SELENON: variants seen among roughly 807,000 people sequenced by gnomAD.
SELENON encodes selenoprotein N, 1.
A neutral mutation model predicts 59.5 loss-of-function variants in SELENON; 44 were observed. The observed-to-expected ratio is 0.74, with a 90% CI of 0.58 to 0.95. The LOEUF is 0.95. Ranked by LOEUF, SELENON falls within the 40% of genes least tolerant of loss-of-function variation. SELENON has a pLI of 0.00. For missense variants in SELENON, 674 were observed against 721.4 expected (o/e 0.93, Z 0.75); for synonymous variants, 320 against 305.6 (o/e 1.05, Z -0.49).
At chr1:25,814,317 G>A in intron 12 of SELENON, 139 bp downstream of exon 11, 1 of 726,222 alleles carries the variant, frequency 1.4e-6, no homozygotes, top group Non-Finnish European at 2.5e-6. Context: ...CCTCAAGCTG[G>A]TCTCTTACCC....
chr1:25,804,655 C>CCCCCCCCCCCCCCCA (rs2047889688), intron 3 of SELENON, among the ~76,000 whole-genome samples: 1 of 81,910 alleles, frequency 1.2e-5, no homozygotes, highest in African/African-American at 4.9e-5. Flanking sequence ...CCCCCCCCCC[C>CCCCCCCCCCCCCCCA]CCGCCGCAAA....
chr1:25,800,491 G>A, intron 1 of SELENON, 78 bp downstream of exon 1: 1 of 817,746 alleles, frequency 1.2e-6, no homozygotes, highest in Non-Finnish European at 1.5e-6. Context: ...GGGGGGACAT[G>A]GGCATGGACG....
Position 25,807,838 on chromosome 1 carries a change from G to A in SELENON, c.538-742G>A, listed in dbSNP as rs2047920869. ...GTGTAGACAGCTCTGTGGTCTCTGA[G>A]CGTCCTCTCCGAGCCATCAGCTTGT... is the stretch of plus-strand genomic sequence containing the variant. On this transcript the variant is annotated intron_variant, in intron 4 of 12. Transcript: ENST00000361547. This position sits in a 1 kb window ranked among gnomAD's most constrained non-coding sequence, Gnocchi z 4.5. Among the ~76,000 whole-genome samples, 2 of 152,274 alleles carry A rather than the reference G, an allele frequency of 1.3e-5. No homozygotes were observed. Among genetic ancestry groups the A allele is most frequent in the South Asian group, 2.1e-4 (1 of 4,828 alleles).
chr1:25,808,904 C>T (rs2124447756), intron 5 of SELENON, 115 bp downstream of exon 4: 2 of 1,573,332 alleles, frequency 1.3e-6, no homozygotes, highest in Non-Finnish European at 8.7e-7. Context: ...CTCCTGCCTT[C>T]CTCTGGACCT....
chr1:25,805,091 G>T, intron 3 of SELENON, 51 bp from the exon 3 acceptor site: 1 of 1,609,518 alleles, frequency 6.2e-7, no homozygotes, highest in Non-Finnish European at 8.5e-7. Context: ...TGAGGGAGAG[G>T]TGAGCCCTGT....
chr1:25,802,746 TAATG>T (rs1307240294), intron 3 of SELENON, among the ~76,000 whole-genome samples: 2 of 152,258 alleles, frequency 1.3e-5, no homozygotes, highest in Non-Finnish European at 2.9e-5. Flanking sequence ...TGAAACATTC[TAATG>T]AATTATAAAA....
intron 1 of SELENON, 143 bp downstream of exon 1, chr1:25,800,556 A>C: frequency 8.2e-6 from 1 of 121,846 alleles, no homozygotes; most frequent in South Asian, 7.0e-5. Flanking sequence ...CACGGGAAGG[A>C]GGGGACACGG....
intron 4 of SELENON, among the ~76,000 whole-genome samples, chr1:25,805,629 T>C (rs112953788): frequency 1.5e-4 from 22 of 149,884 alleles, no homozygotes; most frequent in African/African-American, 4.8e-4. Flanking sequence ...CCGCCCCACA[T>C]ACTATGATGA....
intron 6 of SELENON, 25 bp downstream of exon 5, chr1:25,809,175 T>G: frequency 6.2e-7 from 1 of 1,613,282 alleles, no homozygotes; most frequent in African/African-American, 1.3e-5. Context: ...CTGGCTGGCC[T>G]GGAGCACCGG....
At chr1:25,801,996 T>G in intron 2 of SELENON, 1 of 237,578 alleles carries the variant, frequency 4.2e-6, no homozygotes, top group Non-Finnish European at 8.7e-6. Flanking sequence ...GCTATAACTT[T>G]TTTTTTTTTT....
At position 25,814,186 on chromosome 1, in the gene SELENON, C is replaced by T. The variant is rs1009775572; in HGVS notation, c.1602+8C>T. The T allele has an allele frequency of 9.3e-6, 15 of 1,611,086 alleles. No individual in the cohort carries two copies. Among genetic ancestry groups the T allele is most frequent in the Non-Finnish European group, 1.3e-5 (15 of 1,177,884 alleles). On this transcript the variant is annotated splice_region_variant and intron_variant, in intron 12 of 12. Coordinates refer to ENST00000361547, the MANE Select transcript of SELENON (RefSeq NM_020451.3). Reference sequence around the variant, plus strand: ...CTGCCCAATGGCACCGTGGTAGGCACCCCCACTCAGACCCCACAGGGCCCA... The same window carrying T: ...CTGCCCAATGGCACCGTGGTAGGCATCCCCACTCAGACCCCACAGGGCCCA...
chr1:25,801,178 CGGCTGGGGA>C lies in SELENON; in HGVS notation c.301+21_301+29del. ...GCTAACAGGTACCAGGAGAGACTGG[CGGCTGGGGA>C]GGAGGGCGCCTTGGCCAACGGTGTC... On this transcript the variant is annotated intron_variant, in intron 2 of 12. Coordinates refer to ENST00000361547, the MANE Select transcript of SELENON (RefSeq NM_020451.3). The C allele has an allele frequency of 6.2e-7, 1 of 1,600,602 alleles. No individual in the cohort carries two copies. The highest frequency in any genetic ancestry group is 8.6e-7 in the Non-Finnish European group (1 of 1,167,836).
rs575407217 is a variant in SELENON at position 25,813,948 on chromosome 1, C to T, written c.1455C>T (p.Ser485=). Residue 485 remains serine (S), a synonymous_variant, in exon 11 of 13, where the codon AGC becomes AGT. Coordinates refer to ENST00000361547, the MANE Select transcript of SELENON (RefSeq NM_020451.3). ...CCATCCTCACCCTGCTCAACGAGAG[C>T]TTCATCAGCACCTGGTCCCTGGTGA... The T allele has an allele frequency of 4.0e-5, 65 of 1,614,198 alleles. No individual in the cohort carries two copies. The East Asian group carries it at 1.0e-3, about 26-fold the overall frequency.
intron 7 of SELENON, 126 bp downstream of exon 6, chr1:25,809,946 G>C (rs1309705291): frequency 2.4e-6 from 3 of 1,260,476 alleles, no homozygotes; most frequent in African/African-American, 3.0e-5. Flanking sequence ...CATCTCATGG[G>C]GCTGACGTGG....
intron 4 of SELENON, 95 bp from the exon 4 acceptor site, chr1:25,808,485 G>A: frequency 1.4e-6 from 2 of 1,446,978 alleles, no homozygotes; most frequent in Admixed American, 1.7e-5. Context: ...GGTGTGGGCT[G>A]GCTCGGGGCT....
rs188165079 is a variant in SELENON at position 25,809,385 on chromosome 1, G to A, written c.872+235G>A. 1.5e-3 allele frequency among the ~76,000 whole-genome samples: 221 copies of A among 152,342 alleles called. 1 individual carries two copies. The highest frequency in any genetic ancestry group is 2.1e-3 in the Non-Finnish European group (143 of 68,034). ...AAAAGTTGTGGAACTTGCTTGGCACGGGGCTGGTAGCCATGGTTGTGCCAT... is the reference window on the plus strand; with the variant it reads ...AAAAGTTGTGGAACTTGCTTGGCACAGGGCTGGTAGCCATGGTTGTGCCAT... On this transcript the variant is annotated intron_variant, in intron 6 of 12. Transcript: ENST00000361547.
In SELENON at chr1:25,800,374, C is replaced by T. The variant is rs2124436766; in HGVS notation, c.144C>T (p.Val48=). ...CCGCCGCTGCCGCCGCCGTCCGGGT[C>T]TGCGCCCGCCACGCCGAGGCCCAGG... Residue 48 remains valine (V), a synonymous_variant, in exon 1 of 13, where the codon GTC becomes GTT. Transcript: ENST00000361547. 9 of 1,093,652 alleles carry T rather than the reference C, an allele frequency of 8.2e-6. No homozygotes were observed. Among genetic ancestry groups the T allele is most frequent in the Non-Finnish European group, 7.8e-6 (7 of 900,416 alleles). 67.7% of individuals were successfully genotyped at this position (1,093,652 alleles called of 1,614,324 possible). A position where few individuals can be genotyped will look rare whatever the true frequency, so the allele number is the denominator to read the frequency against.
chr1:25,808,624 C>T lies in SELENON; in HGVS notation c.582C>T (p.Ala194=), dbSNP rs1420010957. 34 of 1,613,722 alleles carry T rather than the reference C, an allele frequency of 2.1e-5. No individual in the cohort carries two copies. The highest frequency in any genetic ancestry group is 5.3e-5 in the African/African-American group (4 of 74,882). ...CCGGCCTCCGAAACTGGACAGCCGC[C>T]GCCTCACCAAGTGCAGTGTTTGCCA... Residue 194 remains alanine (A), a synonymous_variant, in exon 5 of 13, where the codon GCC becomes GCT. Coordinates refer to ENST00000361547, the MANE Select transcript of SELENON (RefSeq NM_020451.3).
Position 25,811,843 on chromosome 1 carries a change from C to A in SELENON, c.1245C>A (p.Ala415=). Residue 415 remains alanine (A), a synonymous_variant, in exon 9 of 13, where the codon GCC becomes GCA. Transcript: ENST00000361547. ...AGGAGCTGAGCTGGGAGGAGGCTGC[C>A]CGGCGCCTGGAGGTGGCCATGTACC... 6.3e-7 allele frequency: 1 copy of A among 1,579,000 alleles called. No homozygotes were observed. The highest frequency in any genetic ancestry group is 2.3e-5 in the East Asian group (1 of 43,350).
Sources: allele counts gnomAD v4.1 joint callset (sites outside exome capture counted in the v4.1 genomes callset), GRCh38; gene constraint gnomAD v4.1.1; non-coding constraint Gnocchi (gnomAD v3.1); transcripts MANE v1.5; gene names NCBI Gene and HGNC (gene_info 2026-07-23, HGNC 2026-07-21).